Variants in MSH3 observed in about 807,000 individuals in gnomAD.
MSH3 encodes mutS homolog 3.
A neutral mutation model predicts 123.3 loss-of-function variants in MSH3; 106 were observed. That is an observed-to-expected ratio of 0.86 (90% CI 0.73 to 1.01). MSH3 has a LOEUF of 1.01. Ranked by LOEUF, MSH3 falls within the 50% of genes least tolerant of loss-of-function variation. The probability of loss-of-function intolerance (pLI) is 0.00; values close to 1 mark genes in which losing one functional copy is unlikely to be tolerated. For missense variants in MSH3, 1,459 were observed against 1,347.6 expected, an observed-to-expected ratio of 1.08 and a Z score of -1.29; for synonymous variants, 515 against 481.4, an observed-to-expected ratio of 1.07 and a Z score of -0.91.
intron 12 of MSH3, among the ~76,000 whole-genome samples, chr5:80,755,756 C>T (rs1743916342): frequency 6.6e-6 from 1 of 152,100 alleles, no homozygotes; most frequent in Non-Finnish European, 1.5e-5. Context: ...GGTTCAACTG[C>T]CTTGTGGGAG....
intron 20 of MSH3, among the ~76,000 whole-genome samples, chr5:80,851,075 G>C (rs1047903842): frequency 6.6e-6 from 1 of 152,022 alleles, no homozygotes; most frequent in Non-Finnish European, 1.5e-5. Flanking sequence ...TTTATTGGTT[G>C]CATAGTTTTT....
intron 23 of MSH3, among the ~76,000 whole-genome samples, chr5:80,875,380 G>A (rs1485467114): frequency 1.3e-5 from 2 of 151,840 alleles, no homozygotes; most frequent in Admixed American, 1.3e-4. Context: ...CATTGTTTTC[G>A]GTTGGTGTTA....
At chr5:80,774,831 G>A (rs554808071) in intron 15 of MSH3, among the ~76,000 whole-genome samples, 2 of 152,162 alleles carry the variant, frequency 1.3e-5, no homozygotes, top group South Asian at 2.1e-4. Flanking sequence ...TAGTGGGGGT[G>A]GAGGGGATGA....
chr5:80,813,913 C>T (rs1745054880), intron 20 of MSH3, among the ~76,000 whole-genome samples, 172 bp downstream of exon 20: 1 of 152,104 alleles, frequency 6.6e-6, no homozygotes, highest in South Asian at 2.1e-4. Context: ...GTGATCCCAG[C>T]ACTTTGGGAG....
intron 2 of MSH3, among the ~76,000 whole-genome samples, chr5:80,664,094 A>G (rs1479107505): frequency 6.6e-6 from 1 of 152,236 alleles, no homozygotes; most frequent in African/African-American, 2.4e-5. Context: ...TTGCTTGTTT[A>G]TGAAAAACTG....
At chr5:80,693,869 A>G (rs980057365) in intron 8 of MSH3, among the ~76,000 whole-genome samples, 2 of 152,152 alleles carry the variant, frequency 1.3e-5, no homozygotes, top group Non-Finnish European at 2.9e-5. Context: ...CATAGTGTCC[A>G]GGCTGATCTC....
At chr5:80,684,890 A>T (rs981911200) in intron 8 of MSH3, among the ~76,000 whole-genome samples, 1 of 151,874 alleles carries the variant, frequency 6.6e-6, no homozygotes, top group Non-Finnish European at 1.5e-5. Context: ...GAATTTTATC[A>T]AATCCTTTTT....
intron 3 of MSH3, among the ~76,000 whole-genome samples, chr5:80,667,760 T>G (rs1260904216): frequency 1.3e-5 from 2 of 152,188 alleles, no homozygotes; most frequent in African/African-American, 2.4e-5. Flanking sequence ...AGCTTGGAGA[T>G]TCCAGGAACT....
intron 20 of MSH3, among the ~76,000 whole-genome samples, chr5:80,848,965 TG>T (rs1260280627): frequency 6.6e-6 from 1 of 152,192 alleles, no homozygotes; most frequent in Admixed American, 6.5e-5. Context: ...CTTCTGCCTA[TG>T]AGCCTGTAAA....
chr5:80,704,624 G>A lies in MSH3; in HGVS notation c.1341-20829G>A, dbSNP rs192819587. On this transcript the variant is annotated intron_variant, in intron 8 of 23. Transcript: ENST00000265081. ...TATGTGTAAAAATCAGGATTTAGAT[G>A]TGAGGCAAATAAGGTGGTGGTGATT... Among the ~76,000 whole-genome samples the A allele has an allele frequency of 2.0e-3, 303 of 152,304 alleles. 1 individual carries two copies. Among genetic ancestry groups the A allele is most frequent in the African/African-American group, 7.0e-3 (292 of 41,560 alleles).
intron 8 of MSH3, among the ~76,000 whole-genome samples, chr5:80,720,536 T>C (rs1751057676): frequency 6.6e-6 from 1 of 152,166 alleles, no homozygotes. Flanking sequence ...TTCTAGACTA[T>C]CGTTCATTCT....
At position 80,764,882 on chromosome 5, in the gene MSH3, C is replaced by G. The variant is rs144859961; in HGVS notation, c.1897-3051C>G. On this transcript the variant is annotated intron_variant, in intron 13 of 23. Coordinates refer to ENST00000265081, the MANE Select transcript of MSH3 (RefSeq NM_002439.5). ...AGGTGAAAATCTTTTTTTAGCTAAG[C>G]AGGAATAAGCCCACAGCTGCATGTT... 8.3e-3 allele frequency among the ~76,000 whole-genome samples: 1,270 copies of G among 152,204 alleles called. 18 individuals are homozygous for G. The highest frequency in any genetic ancestry group is 0.028 in the African/African-American group (1,168 of 41,534).
chr5:80,822,589 G>A (rs1745220530), intron 20 of MSH3, among the ~76,000 whole-genome samples: 1 of 152,170 alleles, frequency 6.6e-6, no homozygotes, highest in Non-Finnish European at 1.5e-5. Context: ...AGGTTGATTT[G>A]AGAATAAGTT....
At position 80,678,923 on chromosome 5, in the gene MSH3, T is replaced by C. The variant is rs1749901698; in HGVS notation, c.1174-4T>C. 6.2e-7 allele frequency: 1 copy of C among 1,614,110 alleles called. No homozygotes were observed. The highest frequency in any genetic ancestry group is 8.5e-7 in the Non-Finnish European group (1 of 1,179,962). Reference sequence around the variant, plus strand: ...TGTAACATTATATTTGTATTTGTTTTTAGGGAGTGCAGCCTGCCACAGGCG... The same window carrying C: ...TGTAACATTATATTTGTATTTGTTTCTAGGGAGTGCAGCCTGCCACAGGCG... On this transcript the variant is annotated splice_polypyrimidine_tract_variant and splice_region_variant and intron_variant, in intron 7 of 23. Transcript: ENST00000265081.
chr5:80,692,525 T>G (rs201772518), intron 8 of MSH3, among the ~76,000 whole-genome samples: 15,344 of 101,698 alleles, frequency 0.15, 2,533 homozygotes, highest in Non-Finnish European at 0.18. Flanking sequence ...TATGTTTAGA[T>G]AGATAAACAT....
rs565470429 is a variant in MSH3 at position 80,662,783 on chromosome 5, C to T, written c.359-2360C>T. Among the ~76,000 whole-genome samples, 243 of 151,464 alleles carry T rather than the reference C, an allele frequency of 1.6e-3. 1 individual carries two copies. The highest frequency in any genetic ancestry group is 2.7e-3 in the South Asian group (13 of 4,800). ...CAGAGGTTGCAGTGAGCCGAGATCG[C>T]GCCATTGCACTCCAGCCTGGGTGAC... On this transcript the variant is annotated intron_variant, in intron 2 of 23. Transcript: ENST00000265081.
At chr5:80,701,187 A>G (rs1750602388) in intron 8 of MSH3, among the ~76,000 whole-genome samples, 1 of 152,234 alleles carries the variant, frequency 6.6e-6, no homozygotes, top group Non-Finnish European at 1.5e-5. Context: ...GCAAAGGGAA[A>G]CAGTACGAGT....
intron 20 of MSH3, among the ~76,000 whole-genome samples, chr5:80,843,825 A>G (rs911231227): frequency 2.6e-5 from 4 of 151,960 alleles, no homozygotes; most frequent in South Asian, 4.2e-4. Flanking sequence ...CTAGCAGTCT[A>G]TCAATTTTGT....
At position 80,854,194 on chromosome 5, in the gene MSH3, G is replaced by C. The variant is rs748227776; in HGVS notation, c.2878G>C (p.Ala960Pro). ...ATTTATGGAAGAACTGACTGACACA[G>C]CAGAAATAATCAGAAAAGCAACATC... ...STFMEELTDT[A>P]EIIRKATSQS... is the part of the protein sequence containing the mutation. Residue 960 changes from alanine to proline, a missense_variant, in exon 21 of 24, where the codon GCA (alanine) becomes CCA (proline). By Grantham distance (27) the Ala-to-Pro change is conservative. Transcript: ENST00000265081. The C allele has an allele frequency of 6.2e-7, 1 of 1,613,816 alleles. No homozygotes were observed. The highest frequency in any genetic ancestry group is 2.2e-5 in the East Asian group (1 of 44,836).
Sources: gnomAD v4.1 joint callset for allele counts (sites outside exome capture counted in the v4.1 genomes callset) on GRCh38, gnomAD v4.1.1 for gene constraint, MANE v1.5 for transcripts, NCBI Gene and HGNC (gene_info 2026-07-23, HGNC 2026-07-21) for gene names.